SEMA3A: variants seen among roughly 807,000 people sequenced by gnomAD.
SEMA3A encodes semaphorin-3A.
A neutral mutation model predicts 97.9 loss-of-function variants in SEMA3A; 29 were observed. The ratio of observed to expected loss-of-function variants is 0.30; its 90% CI spans 0.22 to 0.40. The LOEUF is 0.40. SEMA3A is among the 10% of genes least tolerant of loss of function. The pLI is 1.00. For synonymous variants in SEMA3A, 321 were observed against 323.7 expected, an observed-to-expected ratio of 0.99 and a Z score of 0.09; for missense variants, 763 against 951.3, an observed-to-expected ratio of 0.80 and a Z score of 2.60.
intron 1 of SEMA3A, among the ~76,000 whole-genome samples, chr7:84,386,224 G>A (rs984238607): frequency 1.3e-5 from 2 of 152,124 alleles, no homozygotes; most frequent in African/African-American, 2.4e-5. Context: ...AACAAAAAAT[G>A]CCCATATCTC....
intron 1 of SEMA3A, among the ~76,000 whole-genome samples, chr7:84,383,899 A>G (rs142366779): frequency 2.8e-4 from 42 of 152,312 alleles, no homozygotes; most frequent in Middle Eastern, 6.8e-3. Flanking sequence ...ATTTGTAAGC[A>G]TTTAATATTA....
chr7:84,445,798 A>C (rs966956735), intron 1 of SEMA3A, among the ~76,000 whole-genome samples: 6 of 151,916 alleles, frequency 3.9e-5, no homozygotes, highest in Middle Eastern at 3.4e-3. Context: ...CTAAATTCAC[A>C]ACTTGTAGAT....
chr7:83,987,227 A>G (rs1176903351), intron 12 of SEMA3A, among the ~76,000 whole-genome samples: 1 of 152,006 alleles, frequency 6.6e-6, no homozygotes, highest in Non-Finnish European at 1.5e-5. Context: ...GTTTGGGGCA[A>G]GAGTAAAAAA....
chr7:84,100,704 G>A (rs1794936378), intron 4 of SEMA3A, among the ~76,000 whole-genome samples: 2 of 152,032 alleles, frequency 1.3e-5, no homozygotes, highest in Admixed American at 6.6e-5. Flanking sequence ...ATGTTCCTAG[G>A]TTTTTATTAA....
At chr7:84,150,394 G>C (rs1297395056) in intron 1 of SEMA3A, among the ~76,000 whole-genome samples, 3 of 152,184 alleles carry the variant, frequency 2.0e-5, no homozygotes, top group East Asian at 1.9e-4. Context: ...CACTGTGCGC[G>C]AGCCGAAGCA....
At chr7:84,398,258 A>C (rs1803791187) in intron 1 of SEMA3A, among the ~76,000 whole-genome samples, 1 of 152,154 alleles carries the variant, frequency 6.6e-6, no homozygotes, top group African/African-American at 2.4e-5. Context: ...GCTACAATTT[A>C]TTGTGTGTAT....
Position 84,111,788 on chromosome 7 carries a change from T to C in SEMA3A, c.334-1199A>G, listed in dbSNP as rs138771288. Among the ~76,000 whole-genome samples, 510 of 152,234 alleles carry C rather than the reference T, an allele frequency of 3.4e-3. 5 individuals carry two copies. Among genetic ancestry groups the C allele is most frequent in the African/African-American group, 0.011 (461 of 41,544 alleles). On this transcript the variant is annotated intron_variant, in intron 3 of 16. Transcript: ENST00000265362. ...AGTCTTTCTTTTGTCTGGTAAGGCATTACAATGTATAAAATTACTCTCTGA... is the reference window on the plus strand; with the variant it reads ...AGTCTTTCTTTTGTCTGGTAAGGCACTACAATGTATAAAATTACTCTCTGA...
At chr7:84,351,562 T>C (rs992748813) in intron 2 of SEMA3A, among the ~76,000 whole-genome samples, 8 of 151,888 alleles carry the variant, frequency 5.3e-5, no homozygotes, top group South Asian at 2.1e-4. Context: ...TGGATAAATA[T>C]CTGAATAGAT....
At chr7:84,374,855 G>A (rs13235879) in intron 1 of SEMA3A, among the ~76,000 whole-genome samples, 16,863 of 152,090 alleles carry the variant, frequency 0.11, 1,173 homozygotes, top group East Asian at 0.28. Flanking sequence ...AACTGTGCTT[G>A]TGAGATGTAT....
chr7:84,198,251 A>G (rs749975793), upstream of SEMA3A, among the ~76,000 whole-genome samples: 10 of 151,592 alleles, frequency 6.6e-5, 1 homozygote, highest in South Asian at 2.1e-4. Context: ...GCTGGAGTGC[A>G]GTGGCACGAT....
At chr7:84,364,818 C>A (rs1802805657) in intron 2 of SEMA3A, among the ~76,000 whole-genome samples, 1 of 146,360 alleles carries the variant, frequency 6.8e-6, no homozygotes, top group Non-Finnish European at 1.5e-5. Flanking sequence ...CGTAGAGAGA[C>A]TGAGGAGTGA....
chr7:84,224,506 A>G (rs1562860540), intron 3 of SEMA3A, among the ~76,000 whole-genome samples: 1 of 152,088 alleles, frequency 6.6e-6, no homozygotes, highest in Admixed American at 6.6e-5. Flanking sequence ...TTATGTTTTA[A>G]AAAAAACAGA....
intron 1 of SEMA3A, among the ~76,000 whole-genome samples, chr7:84,166,924 A>C (rs2116188559): frequency 6.6e-6 from 1 of 151,268 alleles, no homozygotes; most frequent in East Asian, 2.0e-4. Context: ...GGGTAGCAGC[A>C]ATGTTGAATT....
intron 6 of SEMA3A, among the ~76,000 whole-genome samples, chr7:84,036,850 A>T (rs757013149): frequency 2.6e-5 from 4 of 152,064 alleles, no homozygotes; most frequent in Non-Finnish European, 4.4e-5. Context: ...TTCCAGTAAC[A>T]TTTTTTTAAT....
At chr7:84,016,216 T>C (rs1177076614) in intron 6 of SEMA3A, among the ~76,000 whole-genome samples, 1 of 151,990 alleles carries the variant, frequency 6.6e-6, no homozygotes, top group East Asian at 1.9e-4. Flanking sequence ...CAGAAATGTG[T>C]GTGTGTATGT....
chr7:84,430,865 T>C (rs549080725), intron 1 of SEMA3A, among the ~76,000 whole-genome samples: 1 of 151,778 alleles, frequency 6.6e-6, no homozygotes, highest in East Asian at 1.9e-4. Flanking sequence ...TAGACCAGCA[T>C]TTAGTTTTGG....
At chr7:84,093,709 C>T (rs193293260) in intron 4 of SEMA3A, among the ~76,000 whole-genome samples, 1 of 152,038 alleles carries the variant, frequency 6.6e-6, no homozygotes, top group South Asian at 2.1e-4. Flanking sequence ...GAAAACCAGA[C>T]ACTGCATGTT....
chr7:84,187,734 A>G (rs1412378095), intron 1 of SEMA3A, among the ~76,000 whole-genome samples: 3 of 152,112 alleles, frequency 2.0e-5, no homozygotes, highest in Admixed American at 6.6e-5. Context: ...ATTATTTCCA[A>G]AAATAATTTT....
intron 1 of SEMA3A, among the ~76,000 whole-genome samples, chr7:84,430,744 T>C (rs1804957329): frequency 6.6e-6 from 1 of 151,912 alleles, no homozygotes; most frequent in Non-Finnish European, 1.5e-5. Flanking sequence ...AGAAGAATTG[T>C]CTCAAGGCCT....
Sources: allele counts gnomAD v4.1 joint callset (sites outside exome capture counted in the v4.1 genomes callset), GRCh38; gene constraint gnomAD v4.1.1; transcripts MANE v1.5; gene names NCBI Gene and HGNC (gene_info 2026-07-23, HGNC 2026-07-21).